NPHP4: variants seen among roughly 807,000 people sequenced by gnomAD.
The protein encoded by NPHP4 is nephrocystin 4.
NPHP4 carries 151 observed loss-of-function variants against 155.8 expected under a neutral mutation model. The ratio of observed to expected loss-of-function variants is 0.97; its 90% CI spans 0.85 to 1.11. The LOEUF (loss-of-function observed/expected upper bound fraction) is 1.11. NPHP4 is among the 50% of genes least tolerant of loss of function. The pLI, the probability that NPHP4 is intolerant of heterozygous loss-of-function variation, is 0.00. For synonymous variants in NPHP4, 845 were observed against 816.8 expected (o/e 1.03, Z -0.59); for missense variants, 1,956 against 1,925.7 (o/e 1.02, Z -0.29).
intron 19 of NPHP4, among the ~76,000 whole-genome samples, chr1:5,878,335 T>C (rs1433455033): frequency 6.6e-6 from 1 of 152,242 alleles, no homozygotes; most frequent in African/African-American, 2.4e-5. Flanking sequence ...CAAACTGCTC[T>C]GCAGATGCCC....
At chr1:5,951,717 G>T (rs72857494) in intron 7 of NPHP4, among the ~76,000 whole-genome samples, 3 of 152,258 alleles carry the variant, frequency 2.0e-5, no homozygotes, top group Non-Finnish European at 4.4e-5. Context: ...ACAGATTATC[G>T]CCTAGAAAAC....
At position 5,882,407 on chromosome 1, in the gene NPHP4, G is replaced by T. The variant is rs1643380026; in HGVS notation, c.2486-2168C>A. On this transcript the variant is annotated intron_variant, in intron 18 of 29. Coordinates refer to ENST00000378156, the MANE Select transcript of NPHP4 (RefSeq NM_015102.5). This position sits in a 1 kb window ranked among gnomAD's most constrained non-coding sequence, Gnocchi z 5.1. The stretch of plus-strand genomic sequence containing the variant: ...GCTTACCCAGCCATCTCTTTCCAGG[G>T]GAATTAATTTCGTTCTTGCCAATGT... 1.3e-5 allele frequency: 2 copies of T among 153,038 alleles called. No homozygotes were observed. Among genetic ancestry groups the T allele is most frequent in the African/African-American group, 4.8e-5 (2 of 41,436 alleles). The allele number at this position is 153,038 out of a possible 1,614,324, so 9.5% of individuals were successfully genotyped here. A position where few individuals can be genotyped will look rare whatever the true frequency, so the allele number is the denominator to read the frequency against.
chr1:5,906,526 C>G (rs1644920791), intron 13 of NPHP4, among the ~76,000 whole-genome samples: 1 of 152,272 alleles, frequency 6.6e-6, no homozygotes, highest in Non-Finnish European at 1.5e-5. Flanking sequence ...AGCAGAGACT[C>G]ATGGTGCTAG....
intron 26 of NPHP4, 106 bp downstream of exon 26, chr1:5,866,267 A>G: frequency 1.3e-6 from 1 of 786,940 alleles, no homozygotes; most frequent in African/African-American, 1.7e-5. Context: ...AAGCTCCCCC[A>G]ATTTTAGGAA....
rs1175830280 is a variant in NPHP4 at position 5,874,927 on chromosome 1, G to T, written c.2991C>A (p.Asn997Lys). 6.2e-7 allele frequency: 1 copy of T among 1,613,812 alleles called. No individual in the cohort carries two copies. Among genetic ancestry groups the T allele is most frequent in the Non-Finnish European group, 8.5e-7 (1 of 1,179,882 alleles). ...TCACCGTGTGCTGTGTGTTGTGGGGGTTCTTAAGCACAAACTCAAAGAACT... is the reference window on the plus strand; with the variant it reads ...TCACCGTGTGCTGTGTGTTGTGGGGTTTCTTAAGCACAAACTCAAAGAACT... ...VAEFFEFVLK[N>K]PHNTQHTVTV... The change falls in exon 21 of 30, where the codon AAC becomes AAA. Residue 997 changes from asparagine to lysine, a missense_variant. Physicochemically the swap from Asn to Lys is moderately conservative, Grantham distance 94. Transcript: ENST00000378156.
intron 7 of NPHP4, among the ~76,000 whole-genome samples, chr1:5,949,324 TC>T (rs1175099799): frequency 8.9e-5 from 5 of 56,136 alleles, no homozygotes; most frequent in Non-Finnish European, 1.7e-4. Context: ...AGCAAACAAG[TC>T]CAGCTCATTC....
At chr1:5,916,778 T>C (rs1645495019) in intron 11 of NPHP4, among the ~76,000 whole-genome samples, 1 of 152,124 alleles carries the variant, frequency 6.6e-6, no homozygotes. Flanking sequence ...GGGGCCAAGG[T>C]GGGCGGATCA....
Position 5,909,201 on chromosome 1 carries a change from G to A in NPHP4, c.1454C>T (p.Pro485Leu), listed in dbSNP as rs1210801151. ...CGGGGCAGCGAGAACTCGAGGTACT[G>A]GCGCTGGCGGGCCTGGGAGGAAGCA... ...PPTSPSSPPA[P>L]VPRVLAAPQN... The change falls in exon 12 of 30, where the codon CCA (proline) becomes CTA (leucine). Residue 485 changes from proline to leucine, a missense_variant. Pro to Leu is a moderately conservative substitution (Grantham distance 98). Coordinates refer to ENST00000378156, the MANE Select transcript of NPHP4 (RefSeq NM_015102.5). 6.2e-7 allele frequency: 1 copy of A among 1,602,868 alleles called. No individual in the cohort carries two copies. The highest frequency in any genetic ancestry group is 1.3e-5 in the African/African-American group (1 of 74,752).
intron 12 of NPHP4, among the ~76,000 whole-genome samples, chr1:5,907,448 A>G (rs1644966715): frequency 6.6e-6 from 1 of 152,248 alleles, no homozygotes. Context: ...CCCCCAGATC[A>G]TAATATCTGA....
intron 3 of NPHP4, among the ~76,000 whole-genome samples, chr1:5,971,544 T>A (rs754927470): frequency 7.9e-5 from 12 of 152,168 alleles, no homozygotes; most frequent in Non-Finnish European, 1.6e-4. Flanking sequence ...GAAGGCTTCA[T>A]AAACGACAGA....
intron 27 of NPHP4, chr1:5,864,802 G>C (rs1033299666): frequency 2.1e-4 from 113 of 536,116 alleles, no homozygotes; most frequent in African/African-American, 1.8e-3. Context: ...GGTGGCACCA[G>C]GGGCCGCCCT....
At chr1:5,951,701 C>A (rs573862007) in intron 7 of NPHP4, among the ~76,000 whole-genome samples, 34 of 152,358 alleles carry the variant, frequency 2.2e-4, no homozygotes, top group African/African-American at 6.7e-4. Flanking sequence ...TTTTTCTAGA[C>A]CAAGGACAGA....
intron 10 of NPHP4, among the ~76,000 whole-genome samples, chr1:5,932,006 C>G (rs1488130223): frequency 4.0e-5 from 6 of 151,608 alleles, no homozygotes; most frequent in Admixed American, 6.6e-5. Flanking sequence ...CATAGGAGTT[C>G]AAGGCTGCAG....
rs757573524 is a variant in NPHP4 at position 5,878,531 on chromosome 1, C to T, written c.2612-1233G>A. On this transcript the variant is annotated intron_variant, in intron 19 of 29. Transcript: ENST00000378156. The stretch of plus-strand genomic sequence containing the variant: ...ACCAGAAAGAAAGTTACAGAGTGAC[C>T]GTGAAACTGCACTTGGGGTAAGGCA... Among the ~76,000 whole-genome samples, 11 of 152,200 alleles carry T rather than the reference C, an allele frequency of 7.2e-5. No individual in the cohort carries two copies. In the South Asian group the frequency reaches 8.3e-4, roughly 11 times the overall value.
At chr1:5,903,043 A>T (rs1050833297) in intron 16 of NPHP4, among the ~76,000 whole-genome samples, 3 of 152,214 alleles carry the variant, frequency 2.0e-5, no homozygotes, top group African/African-American at 7.2e-5. Flanking sequence ...CAGTTTTTCT[A>T]AGTTTCAAAG....
intron 18 of NPHP4, 50 bp from the exon 19 acceptor site, chr1:5,880,289 G>A (rs766376183): frequency 3.1e-6 from 5 of 1,597,076 alleles, no homozygotes; most frequent in South Asian, 1.1e-5. Flanking sequence ...ATGAGAATCT[G>A]ATGAAACAGA....
At chr1:5,914,891 G>A (rs926001453) in intron 11 of NPHP4, among the ~76,000 whole-genome samples, 4 of 152,244 alleles carry the variant, frequency 2.6e-5, no homozygotes, top group African/African-American at 7.2e-5. Context: ...CCTGTGGCCC[G>A]ACTGCCCCAG....
At chr1:5,863,826 T>A (rs370706710) in intron 29 of NPHP4, 64 bp downstream of exon 29, 14 of 1,554,746 alleles carry the variant, frequency 9.0e-6, no homozygotes, top group Middle Eastern at 2.1e-4. Context: ...AAATGCAGGC[T>A]AACTGCCCTC....
At position 5,863,233 on chromosome 1, in the gene NPHP4, G is replaced by T. The variant is rs760742643; in HGVS notation, c.*32C>A. ...GAGGGGCACAGACAGGCCCCAGCTG[G>T]GTGCCGCAGGAAGGACGTCACCCTC... is the stretch of plus-strand genomic sequence containing the variant. On this transcript the variant is annotated 3_prime_UTR_variant, in exon 30 of 30. Coordinates refer to ENST00000378156, the MANE Select transcript of NPHP4 (RefSeq NM_015102.5). 17 of 1,613,352 alleles carry T rather than the reference G, an allele frequency of 1.1e-5. No individual in the cohort carries two copies. The East Asian group carries it at 3.1e-4, about 30-fold the overall frequency.
Sources: allele counts gnomAD v4.1 joint callset (sites outside exome capture counted in the v4.1 genomes callset), GRCh38; gene constraint gnomAD v4.1.1; non-coding constraint Gnocchi (gnomAD v3.1); transcripts MANE v1.5; gene names NCBI Gene and HGNC (gene_info 2026-07-23, HGNC 2026-07-21).